Variants in FEZ2 observed in about 807,000 individuals in gnomAD.
The protein encoded by FEZ2 is fasciculation and elongation protein zeta-2.
Under a neutral mutation model 40.4 loss-of-function variants are expected in FEZ2, and 51 were observed. The ratio of observed to expected loss-of-function variants is 1.26; its 90% CI spans 1.01 to 1.59. The LOEUF is 1.59. FEZ2 is among the 40% of genes most tolerant of loss of function. FEZ2 has a pLI of 0.00. For missense variants in FEZ2, 640 were observed against 438.3 expected (o/e 1.46, Z -4.11); for synonymous variants, 242 against 172.0 (o/e 1.41, Z -3.18).
chr2:36,579,480 C>T (rs1427181046), intron 4 of FEZ2, among the ~76,000 whole-genome samples: 1 of 152,032 alleles, frequency 6.6e-6, no homozygotes, highest in African/African-American at 2.4e-5. Context: ...CAGTTTAGTA[C>T]CATCCCCCTG....
intron 5 of FEZ2, among the ~76,000 whole-genome samples, chr2:36,571,285 T>C (rs562406377): frequency 2.0e-5 from 3 of 152,322 alleles, no homozygotes; most frequent in Non-Finnish European, 2.9e-5. Flanking sequence ...AGTAAATGCT[T>C]TGCACTAAAG....
intron 4 of FEZ2, among the ~76,000 whole-genome samples, chr2:36,579,534 A>G (rs947105737): frequency 6.6e-6 from 1 of 151,854 alleles, no homozygotes; most frequent in Non-Finnish European, 1.5e-5. Flanking sequence ...TGGTTGTTTA[A>G]AAGTGTGTGG....
chr2:36,567,156 C>T (rs1346086298), intron 5 of FEZ2, among the ~76,000 whole-genome samples: 3 of 152,010 alleles, frequency 2.0e-5, no homozygotes, highest in Non-Finnish European at 2.9e-5. Flanking sequence ...CATTTTTAAA[C>T]GTCTCATAAG....
chr2:36,583,461 G>C lies in FEZ2; in HGVS notation c.384C>G (p.Asp128Glu). 1 of 1,558,810 alleles carries C rather than the reference G, an allele frequency of 6.4e-7. No individual in the cohort carries two copies. The highest frequency in any genetic ancestry group is 8.9e-7 in the Non-Finnish European group (1 of 1,129,930). ...TLNLSEKGVS[D>E]SLLFDTSDDE... ...CATCTGATGTATCAAAGAGCAAACT[G>C]TCACTTACCTAAAAACAAAAATACC... Residue 128 changes from aspartate (D) to glutamate (E), a missense_variant, in exon 3 of 8, where the codon GAC (aspartate) becomes GAG (glutamate). Asp to Glu is a conservative substitution (Grantham distance 45, BLOSUM62 2). Coordinates refer to ENST00000405912, the MANE Select transcript of FEZ2 (RefSeq NM_005102.3).
chr2:36,577,517 GT>G (rs1329448866), intron 5 of FEZ2, among the ~76,000 whole-genome samples: 1 of 152,186 alleles, frequency 6.6e-6, no homozygotes, highest in Non-Finnish European at 1.5e-5. Context: ...GCCTCCCAAA[GT>G]GCTGGGATTA....
In FEZ2 at chr2:36,594,378, G is replaced by A. The variant is rs138416540; in HGVS notation, c.267-3367C>T. On this transcript the variant is annotated intron_variant, in intron 1 of 7. Coordinates refer to ENST00000405912, the MANE Select transcript of FEZ2 (RefSeq NM_005102.3). Reference sequence around the variant, plus strand: ...TCATGCAGCTGATAAAGACATACCCGAGACTGGGAAGAAAACGAGGTTTAA... The same window carrying A: ...TCATGCAGCTGATAAAGACATACCCAAGACTGGGAAGAAAACGAGGTTTAA... The A allele has an allele frequency of 8.3e-4, 136 of 163,700 alleles. 2 individuals are homozygous for A. The East Asian group carries it at 0.021, about 25-fold the overall frequency. 10.1% of individuals were successfully genotyped at this position (163,700 alleles called of 1,614,324 possible). A position where few individuals can be genotyped will look rare whatever the true frequency, so the allele number is the denominator to read the frequency against.
At chr2:36,573,369 C>T (rs753955646) in intron 5 of FEZ2, among the ~76,000 whole-genome samples, 7 of 152,176 alleles carry the variant, frequency 4.6e-5, no homozygotes, top group Non-Finnish European at 1.0e-4. Flanking sequence ...TACAACATAA[C>T]CTGGTGTTGT....
At chr2:36,581,668 C>G (rs1373838014) in intron 3 of FEZ2, 5 of 426,610 alleles carry the variant, frequency 1.2e-5, no homozygotes, top group Non-Finnish European at 2.2e-5. Context: ...GGATTTACTA[C>G]GTCCATCATG....
intron 5 of FEZ2, among the ~76,000 whole-genome samples, chr2:36,577,310 G>A (rs899028818): frequency 2.0e-5 from 3 of 151,750 alleles, no homozygotes; most frequent in African/African-American, 2.4e-5. Context: ...CAGGCTGGAG[G>A]GCAATGGCAC....
intron 5 of FEZ2, among the ~76,000 whole-genome samples, chr2:36,560,356 C>A (rs1668060469): frequency 6.6e-6 from 1 of 152,146 alleles, no homozygotes; most frequent in Admixed American, 6.5e-5. Flanking sequence ...ATATTTTTGA[C>A]CTAGAACTCT....
At chr2:36,567,737 G>C (rs1480992750) in intron 5 of FEZ2, among the ~76,000 whole-genome samples, 1 of 151,214 alleles carries the variant, frequency 6.6e-6, no homozygotes, top group Non-Finnish European at 1.5e-5. Flanking sequence ...ACTCCAGCCT[G>C]GGCAATAGAG....
rs186873160 is a variant in FEZ2, at chr2:36,573,714, A to G, written c.903+4883T>C. 3.7e-3 allele frequency among the ~76,000 whole-genome samples: 569 copies of G among 152,362 alleles called. 4 individuals carry two copies. The highest frequency in any genetic ancestry group is 6.2e-3 in the Non-Finnish European group (423 of 68,024). On this transcript the variant is annotated intron_variant, in intron 5 of 7. Transcript: ENST00000405912. Reference sequence around the variant, plus strand: ...GTACTTCAATATCACAAGTATGTGTACCCTCACAAATAAATATGAAAACAC... The same window carrying G: ...GTACTTCAATATCACAAGTATGTGTGCCCTCACAAATAAATATGAAAACAC...
At chr2:36,577,127 T>G (rs1668596246) in intron 5 of FEZ2, among the ~76,000 whole-genome samples, 1 of 152,298 alleles carries the variant, frequency 6.6e-6, no homozygotes, top group African/African-American at 2.4e-5. Context: ...CAAACAAATG[T>G]GGGTTGGTTT....
intron 6 of FEZ2, 181 bp downstream of exon 6, chr2:36,558,257 T>C: frequency 2.4e-6 from 1 of 422,886 alleles, no homozygotes; most frequent in Non-Finnish European, 4.3e-6. Flanking sequence ...AACACTAGAG[T>C]TACTGTTGTA....
In FEZ2 at chr2:36,553,055, G is replaced by A; in HGVS notation, c.*108C>T. On this transcript the variant is annotated 3_prime_UTR_variant, in exon 8 of 8. Transcript: ENST00000405912. ...TCTGTTAATACTGAATCAAACCCAAGTTCAAATGTGCTGAGTTTCCAATAG... is the reference window on the plus strand; with the variant it reads ...TCTGTTAATACTGAATCAAACCCAAATTCAAATGTGCTGAGTTTCCAATAG... 1.1e-6 allele frequency: 1 copy of A among 888,976 alleles called. No homozygotes were observed. Among genetic ancestry groups the A allele is most frequent in the Non-Finnish European group, 1.8e-6 (1 of 556,898 alleles). The allele number at this position is 888,976 out of a possible 1,614,324, so 55.1% of individuals were successfully genotyped here.
chr2:36,578,544 C>A, intron 5 of FEZ2, 53 bp downstream of exon 5: 1 of 1,562,744 alleles, frequency 6.4e-7, no homozygotes, highest in Non-Finnish European at 8.6e-7. Flanking sequence ...AAGGCTGGGA[C>A]TACCACAGAA....
At chr2:36,569,941 G>T (rs1299089958) in intron 5 of FEZ2, among the ~76,000 whole-genome samples, 2 of 152,100 alleles carry the variant, frequency 1.3e-5, no homozygotes, top group Non-Finnish European at 2.9e-5. Flanking sequence ...TACTCAGGAG[G>T]TTCAAATGAA....
intron 1 of FEZ2, among the ~76,000 whole-genome samples, chr2:36,593,512 G>C (rs1669130076): frequency 6.6e-6 from 1 of 152,080 alleles, no homozygotes; most frequent in African/African-American, 2.4e-5. Flanking sequence ...GCACCTGTGG[G>C]CTCAACACCA....
intron 1 of FEZ2, among the ~76,000 whole-genome samples, chr2:36,593,292 C>A (rs1461361481): frequency 2.6e-5 from 4 of 152,052 alleles, no homozygotes; most frequent in African/African-American, 9.7e-5. Flanking sequence ...TCATGGACAG[C>A]GGCCCTCTTC....
Sources: gnomAD v4.1 joint callset for allele counts (sites outside exome capture counted in the v4.1 genomes callset) on GRCh38, gnomAD v4.1.1 for gene constraint, MANE v1.5 for transcripts, NCBI Gene and HGNC (gene_info 2026-07-23, HGNC 2026-07-21) for gene names.